AHNAK: variants seen among roughly 807,000 people sequenced by gnomAD.
AHNAK encodes the protein neuroblast differentiation-associated protein AHNAK.
AHNAK carries 23 observed loss-of-function variants against 37.8 expected under a neutral mutation model. The ratio of observed to expected loss-of-function variants is 0.61; its 90% CI spans 0.44 to 0.86. AHNAK has a LOEUF of 0.86. Among genes scored for constraint, AHNAK ranks in the 40% least tolerant of loss-of-function variants. The pLI, the probability that AHNAK is intolerant of heterozygous loss-of-function variation, is 0.00. For missense variants in AHNAK, 7,411 were observed against 7,319.4 expected (o/e 1.01, Z -0.46); for synonymous variants, 2,481 against 2,636.3 (o/e 0.94, Z 1.80).
intron 5 of AHNAK, among the ~76,000 whole-genome samples, chr11:62,465,381 G>T (rs938621295): frequency 6.6e-6 from 1 of 152,148 alleles, no homozygotes; most frequent in Non-Finnish European, 1.5e-5. Flanking sequence ...TTGGGAGGCC[G>T]AGGTGGGTGG....
chr11:62,534,887 G>T, intron 4 of AHNAK, 116 bp downstream of exon 4: 2 of 1,098,306 alleles, frequency 1.8e-6, no homozygotes, highest in Admixed American at 2.4e-5. Context: ...CAGGTGAGAG[G>T]AGAAGAAGGA....
intron 5 of AHNAK, among the ~76,000 whole-genome samples, chr11:62,480,130 T>A (rs1939236675): frequency 6.6e-6 from 1 of 152,176 alleles, no homozygotes; most frequent in Non-Finnish European, 1.5e-5. Context: ...CCCCTGCCTG[T>A]GCCCACTGCT....
At chr11:62,438,560 C>G (rs1466007147) in intron 5 of AHNAK, among the ~76,000 whole-genome samples, 1 of 152,020 alleles carries the variant, frequency 6.6e-6, no homozygotes, top group African/African-American at 2.4e-5. Flanking sequence ...GAAACGAATA[C>G]TTTATCAGAC....
rs537151833 is a variant in AHNAK at position 62,528,242 on chromosome 11, G to T, written c.6175C>A (p.Pro2059Thr). 7 of 1,613,914 alleles carry T rather than the reference G, an allele frequency of 4.3e-6. No individual in the cohort carries two copies. The highest frequency in any genetic ancestry group is 1.3e-5 in the African/African-American group (1 of 74,870). Residue 2059 changes from proline (P) to threonine (T), a missense_variant, in exon 5 of 5, where the codon CCT becomes ACT. Physicochemically the swap from Pro to Thr is conservative, Grantham distance 38 (BLOSUM62 -1). Transcript: ENST00000378024. Reference sequence around the variant, plus strand: ...TCTGGGCCCTCTGCTTTGAAGCCAGGCATGCTGAACTTGGGCATTTTCATC... The same window carrying T: ...TCTGGGCCCTCTGCTTTGAAGCCAGTCATGCTGAACTTGGGCATTTTCATC... Reference protein sequence around the residue: ...PKMKMPKFSMPGFKAEGPEVD... With the variant: ...PKMKMPKFSMTGFKAEGPEVD...
At position 62,530,521 on chromosome 11, in the gene AHNAK, A is replaced by T; in HGVS notation, c.3896T>A (p.Leu1299His). Residue 1299 changes from leucine to histidine, a missense_variant, in exon 5 of 5, where the codon CTT becomes CAT. By Grantham distance (99) the Leu-to-His change is moderately conservative. Transcript: ENST00000378024. ...CTTCAGCTTTCCTTCCGGGCCCTCA[A>T]GGCTCACATCTGGGACTTCAACATC... is the stretch of plus-strand genomic sequence containing the variant. ...KVDVEVPDVS[L>H]EGPEGKLKGP... 1 of 1,610,666 alleles carries T rather than the reference A, an allele frequency of 6.2e-7. No homozygotes were observed. The highest frequency in any genetic ancestry group is 1.4e-5 in the African/African-American group (1 of 73,650).
intron 5 of AHNAK, among the ~76,000 whole-genome samples, chr11:62,472,116 C>T (rs1939048019): frequency 6.6e-6 from 1 of 152,056 alleles, no homozygotes; most frequent in Non-Finnish European, 1.5e-5. Context: ...TCCCTGTGCC[C>T]ACAGGCCCCC....
Position 62,526,951 on chromosome 11 carries a change from A to C in AHNAK, c.7466T>G (p.Ile2489Ser), listed in dbSNP as rs755329854. The C allele has an allele frequency of 1.9e-6, 3 of 1,614,064 alleles. No homozygotes were observed. The East Asian group carries it at 6.7e-5, about 36-fold the overall frequency. Reference protein sequence around the residue: ...EGKLEVPDMNIRGPKVDVNAP... With the variant: ...EGKLEVPDMNSRGPKVDVNAP... Reference sequence around the variant, plus strand: ...ATTTACATCAACTTTGGGGCCCCTGATGTTCATATCTGGTACTTCAAGTTT... The same window carrying C: ...ATTTACATCAACTTTGGGGCCCCTGCTGTTCATATCTGGTACTTCAAGTTT... Residue 2489 changes from isoleucine (I) to serine (S), a missense_variant, in exon 5 of 5, where the codon ATC becomes AGC. Physicochemically the swap from Ile to Ser is moderately radical, Grantham distance 142. Coordinates refer to ENST00000378024, the MANE Select transcript of AHNAK (RefSeq NM_001620.3).
At chr11:62,466,497 ACT>A (rs1938915979) in intron 5 of AHNAK, among the ~76,000 whole-genome samples, 1 of 132,810 alleles carries the variant, frequency 7.5e-6, no homozygotes, top group African/African-American at 2.9e-5. Context: ...TTTTTACCAG[ACT>A]CTCTTCTCAT....
chr11:62,449,023 G>A (rs1938477638), intron 5 of AHNAK, among the ~76,000 whole-genome samples: 1 of 152,200 alleles, frequency 6.6e-6, no homozygotes, highest in African/African-American at 2.4e-5. Flanking sequence ...AGCCGAGACT[G>A]CGCCACTGCA....
intron 4 of AHNAK, among the ~76,000 whole-genome samples, chr11:62,502,019 G>A (rs973051294): frequency 6.6e-6 from 1 of 152,150 alleles, no homozygotes; most frequent in African/African-American, 2.4e-5. Flanking sequence ...CACCCATTTC[G>A]GACCAAACTG....
chr11:62,544,810 T>G (rs1941254990), intron 1 of AHNAK, among the ~76,000 whole-genome samples: 2 of 152,116 alleles, frequency 1.3e-5, no homozygotes, highest in Non-Finnish European at 2.9e-5. Context: ...ATCTCTACCC[T>G]GAATTACAGC....
chr11:62,516,715 A>T lies in AHNAK; in HGVS notation c.*29T>A, dbSNP rs761194355. On this transcript the variant is annotated 3_prime_UTR_variant, in exon 5 of 5. Coordinates refer to ENST00000378024, the MANE Select transcript of AHNAK (RefSeq NM_001620.3). ...CCAAGGCTGATGTTTTGTTATATAT[A>T]TATATATGTACACACATACAAAGGC... 20 of 1,563,678 alleles carry T rather than the reference A, an allele frequency of 1.3e-5. No individual in the cohort carries two copies. The highest frequency in any genetic ancestry group is 1.6e-5 in the Non-Finnish European group (19 of 1,160,928).
At position 62,536,024 on chromosome 11, in the gene AHNAK, G is replaced by A. The variant is rs1018498532; in HGVS notation, c.75C>T (p.Ile25=). 9.9e-6 allele frequency: 16 copies of A among 1,612,428 alleles called. No homozygotes were observed. Among genetic ancestry groups the A allele is most frequent in the Admixed American group, 6.7e-5 (4 of 59,870 alleles). ...WQGSGSHGLT[I]AQRDDGVFVQ... is the part of the protein sequence containing the mutation. ...CAAAGACGCCGTCGTCCCTCTGGGC[G>A]ATGGTCAGCCCGTGGGAGCCACTAC... Residue 25 remains isoleucine (I), a synonymous_variant, in exon 3 of 5, where the codon ATC becomes ATT. Transcript: ENST00000378024.
In AHNAK at chr11:62,530,795, T is replaced by C. The variant is rs1372899904; in HGVS notation, c.3622A>G (p.Lys1208Glu). The C allele has an allele frequency of 1.2e-6, 2 of 1,613,494 alleles. No homozygotes were observed. The highest frequency in any genetic ancestry group is 1.3e-5 in the African/African-American group (1 of 74,682). ...GACACATCCACATCCCCTTTGACTT[T>C]GGGGCCTTTCAAGTGTAAGTCCACA... Reference protein sequence around the residue: ...PDVDLHLKGPKVKGDVDVSVP... With the variant: ...PDVDLHLKGPEVKGDVDVSVP... Residue 1208 changes from lysine to glutamate, a missense_variant, in exon 5 of 5, where the codon AAA becomes GAA. Transcript: ENST00000378024.
At chr11:62,542,220 C>T (rs965501325) in intron 1 of AHNAK, among the ~76,000 whole-genome samples, 7 of 152,124 alleles carry the variant, frequency 4.6e-5, no homozygotes, top group Admixed American at 3.3e-4. Context: ...GCCTGCAGCC[C>T]CAGCCAGCCT....
At chr11:62,496,999 T>C (rs1939623522) in intron 4 of AHNAK, among the ~76,000 whole-genome samples, 2 of 152,110 alleles carry the variant, frequency 1.3e-5, no homozygotes, top group Non-Finnish European at 1.5e-5. Flanking sequence ...TGGTATAAAA[T>C]ATAAAGTGTT....
At chr11:62,497,687 G>A (rs189009587) in intron 4 of AHNAK, among the ~76,000 whole-genome samples, 1 of 152,208 alleles carries the variant, frequency 6.6e-6, no homozygotes, top group African/African-American at 2.4e-5. Flanking sequence ...TAGGCCAGGC[G>A]CGGTGGTTCA....
chr11:62,446,790 G>A (rs777027618), intron 5 of AHNAK, among the ~76,000 whole-genome samples: 20 of 151,922 alleles, frequency 1.3e-4, no homozygotes, highest in Admixed American at 3.3e-4. Flanking sequence ...CCTTCAGGAC[G>A]TGGGGATCCA....
At chr11:62,450,106 A>C (rs1487196755) in intron 5 of AHNAK, among the ~76,000 whole-genome samples, 3 of 149,050 alleles carry the variant, frequency 2.0e-5, no homozygotes, top group African/African-American at 2.4e-5. Context: ...CTTTTGTTTT[A>C]TTTTATTTTA....
Sources: allele counts gnomAD v4.1 joint callset (sites outside exome capture counted in the v4.1 genomes callset), GRCh38; gene constraint gnomAD v4.1.1; transcripts MANE v1.5; gene names NCBI Gene and HGNC (gene_info 2026-07-23, HGNC 2026-07-21).